DLGAP5: variants seen among roughly 807,000 people sequenced by gnomAD.
DLGAP5 encodes the protein DLG associated protein 5, also known as disks large-associated protein 5.
DLGAP5 carries 90 observed loss-of-function variants against 99.6 expected under a neutral mutation model. The ratio of observed to expected loss-of-function variants is 0.90; its 90% CI spans 0.76 to 1.08. DLGAP5 has a LOEUF of 1.08. Ranked by LOEUF, DLGAP5 falls within the 50% of genes least tolerant of loss-of-function variation. The pLI is 0.00. For synonymous variants in DLGAP5, 311 were observed against 321.3 expected, an observed-to-expected ratio of 0.97 and a Z score of 0.34; for missense variants, 1,036 against 983.5, an observed-to-expected ratio of 1.05 and a Z score of -0.71.
intron 8 of DLGAP5, 27 bp from the exon 9 acceptor site, chr14:55,176,045 C>A: frequency 6.3e-7 from 1 of 1,585,106 alleles, no homozygotes; most frequent in Non-Finnish European, 8.6e-7. Flanking sequence ...AAATATACTT[C>A]ATGAAACATG....
chr14:55,167,424 C>G (rs1398391013), intron 12 of DLGAP5, among the ~76,000 whole-genome samples: 2 of 152,080 alleles, frequency 1.3e-5, no homozygotes, highest in African/African-American at 4.8e-5. Context: ...TAAAGTAATG[C>G]TTAATTATGA....
chr14:55,148,361 C>T lies in DLGAP5; in HGVS notation c.2531G>A (p.Gly844Glu), dbSNP rs1594658429. 6.2e-7 allele frequency: 1 copy of T among 1,613,108 alleles called. No homozygotes were observed. The highest frequency in any genetic ancestry group is 8.5e-7 in the Non-Finnish European group (1 of 1,179,684). The change falls in exon 19 of 19, where the codon GGA becomes GAA. Residue 844 changes from glycine to glutamate, a missense_variant. By Grantham distance (98) the Gly-to-Glu change is moderately conservative. Transcript: ENST00000247191. ...NLITFSPLQP[G>E]EF ...GATTTATTTTTAAATTCAAAATTCT[C>T]CTGGTTGTAGAGGTGAAAAAGTAAT...
rs1883345066 is a variant in DLGAP5 at position 55,183,710 on chromosome 14, G to A, written c.282C>T (p.Leu94=). 1 of 1,606,794 alleles carries A rather than the reference G, an allele frequency of 6.2e-7. No individual in the cohort carries two copies. Among genetic ancestry groups the A allele is most frequent in the Non-Finnish European group, 8.5e-7 (1 of 1,177,256 alleles). ...TILGDQRKQM[L]QKYKEEKQLQ... ...GTTGCTTTTCTTCTTTGTATTTTTG[G>A]AGCATCTGTTTTCGTTGATCACCTA... The change falls in exon 3 of 19, where the codon CTC becomes CTT. Residue 94 remains leucine, a synonymous_variant. Transcript: ENST00000247191.
chr14:55,188,988 A>G lies in DLGAP5; in HGVS notation c.192T>C (p.Asp64=). 1 of 1,613,904 alleles carries G rather than the reference A, an allele frequency of 6.2e-7. No individual in the cohort carries two copies. Among genetic ancestry groups the G allele is most frequent in the Non-Finnish European group, 8.5e-7 (1 of 1,179,958 alleles). Residue 64 remains aspartate, a synonymous_variant, in exon 2 of 19, where the codon GAT becomes GAC. Coordinates refer to ENST00000247191, the MANE Select transcript of DLGAP5 (RefSeq NM_014750.5). ...CTGGAACAAGCCCTTGAGATGTCTC[A>G]TCTAATTCAACAAGAATTCTACCTT... ...TLEGRILVEL[D]ETSQGLVPEK...
chr14:55,182,652 A>T (rs1883315088), intron 3 of DLGAP5, among the ~76,000 whole-genome samples: 1 of 152,184 alleles, frequency 6.6e-6, no homozygotes, highest in Non-Finnish European at 1.5e-5. Context: ...AGAAATTTCA[A>T]ACCGTATTTT....
intron 2 of DLGAP5, among the ~76,000 whole-genome samples, chr14:55,184,110 G>A (rs555998058): frequency 1.3e-5 from 2 of 151,764 alleles, no homozygotes; most frequent in Non-Finnish European, 1.5e-5. Flanking sequence ...CCAAGATTGC[G>A]CCCCTGCACT....
chr14:55,180,899 T>A (rs1883250413), intron 5 of DLGAP5, 121 bp from the exon 6 acceptor site: 1 of 1,317,430 alleles, frequency 7.6e-7, no homozygotes. Flanking sequence ...GGAGGATTAC[T>A]TCAGCCCAGG....
At chr14:55,148,504 G>C (rs757735451) in intron 18 of DLGAP5, 31 bp from the exon 19 acceptor site, 6 of 1,613,534 alleles carry the variant, frequency 3.7e-6, no homozygotes, top group Non-Finnish European at 5.1e-6. Flanking sequence ...AGTCAGTAAA[G>C]TATCCATCAA....
intron 10 of DLGAP5, among the ~76,000 whole-genome samples, chr14:55,173,472 A>G (rs1882940650): frequency 6.6e-6 from 1 of 152,118 alleles, no homozygotes; most frequent in Admixed American, 6.6e-5. Flanking sequence ...AAGTATATTT[A>G]TAATAGAACA....
chr14:55,184,811 G>T (rs896104499), intron 2 of DLGAP5, among the ~76,000 whole-genome samples: 1 of 152,098 alleles, frequency 6.6e-6, no homozygotes, highest in Non-Finnish European at 1.5e-5. Flanking sequence ...CTCAGTTAAG[G>T]CTTCAGATAT....
At chr14:55,161,914 A>G (rs1223092837) in intron 13 of DLGAP5, among the ~76,000 whole-genome samples, 1 of 150,674 alleles carries the variant, frequency 6.6e-6, no homozygotes, top group Middle Eastern at 3.2e-3. Flanking sequence ...TTTTTTAAAA[A>G]TAAGGTTTAA....
At chr14:55,181,620 C>G (rs1318236012) in intron 4 of DLGAP5, among the ~76,000 whole-genome samples, 1 of 152,150 alleles carries the variant, frequency 6.6e-6, no homozygotes, top group African/African-American at 2.4e-5. Context: ...TTAATTTTGC[C>G]TAGAAAATAC....
rs1178098349 is a variant in DLGAP5, at chr14:55,182,076, T to G, written c.495+294A>C. 2.0e-5 allele frequency among the ~76,000 whole-genome samples: 3 copies of G among 152,228 alleles called. No homozygotes were observed. In the East Asian group the frequency reaches 5.8e-4, roughly 29 times the overall value. On this transcript the variant is annotated intron_variant, in intron 4 of 18. Transcript: ENST00000247191. The stretch of plus-strand genomic sequence containing the variant: ...GTTTATAACACCTACCCTGTGTGCT[T>G]TCCTCCCCATATGCATTTCATGCAG...
At chr14:55,153,103 A>C (rs1022239312) in intron 15 of DLGAP5, among the ~76,000 whole-genome samples, 2 of 152,182 alleles carry the variant, frequency 1.3e-5, no homozygotes, top group Non-Finnish European at 2.9e-5. Flanking sequence ...ATTTTATCCG[A>C]AAGTTCAAAA....
chr14:55,149,791 A>G (rs1881946430), intron 18 of DLGAP5, among the ~76,000 whole-genome samples: 1 of 119,128 alleles, frequency 8.4e-6, no homozygotes, highest in Admixed American at 9.8e-5. Flanking sequence ...CACGCCTGTA[A>G]TCCCAGCACT....
At chr14:55,188,098 C>T (rs1382180607) in intron 2 of DLGAP5, among the ~76,000 whole-genome samples, 2 of 152,092 alleles carry the variant, frequency 1.3e-5, no homozygotes, top group African/African-American at 4.8e-5. Context: ...AGAAAGGAAC[C>T]ACCCTTTCTC....
intron 10 of DLGAP5, among the ~76,000 whole-genome samples, chr14:55,172,981 C>CAAAAAAAAA (rs71291818): frequency 9.7e-5 from 6 of 62,078 alleles, no homozygotes; most frequent in African/African-American, 1.2e-4. Context: ...GACTCCGTCT[C>CAAAAAAAAA]AAAAAAAAAA....
At chr14:55,172,910 AGG>A (rs1374033797) in intron 10 of DLGAP5, among the ~76,000 whole-genome samples, 2 of 139,332 alleles carry the variant, frequency 1.4e-5, no homozygotes, top group African/African-American at 5.3e-5. Flanking sequence ...TGAACCTGGG[AGG>A]CAGAGGTTGC....
intron 18 of DLGAP5, among the ~76,000 whole-genome samples, chr14:55,149,291 A>T (rs979886017): frequency 6.6e-6 from 1 of 152,210 alleles, no homozygotes; most frequent in East Asian, 1.9e-4. Flanking sequence ...TCAGGTTTAC[A>T]TAAGTTGGCT....
Sources: gnomAD v4.1 joint callset for allele counts (sites outside exome capture counted in the v4.1 genomes callset) on GRCh38, gnomAD v4.1.1 for gene constraint, MANE v1.5 for transcripts, NCBI Gene and HGNC (gene_info 2026-07-23, HGNC 2026-07-21) for gene names.